Variants in RAB9A observed in about 807,000 individuals in gnomAD.
The protein encoded by RAB9A is ras-related protein Rab-9A.
A neutral mutation model predicts 10.3 loss-of-function variants in RAB9A; 1 was observed. The observed-to-expected ratio is 0.10, with a 90% CI of 0.03 to 0.46. The LOEUF is 0.46. Ranked by LOEUF, RAB9A falls within the 20% of genes least tolerant of loss-of-function variation. The probability of loss-of-function intolerance (pLI) is 0.96; values close to 1 mark genes in which losing one functional copy is unlikely to be tolerated. For synonymous variants in RAB9A, 39 were observed against 55.2 expected (o/e 0.71, Z 1.30); for missense variants, 92 against 150.3 (o/e 0.61, Z 2.03).
intron 1 of RAB9A, among the ~76,000 whole-genome samples, chrX:13,697,255 C>T (rs2046151915): frequency 8.9e-6 from 1 of 111,766 alleles, no homozygotes; most frequent in Non-Finnish European, 1.9e-5. Flanking sequence ...GATAGCAGAA[C>T]GTTGCAGATC....
intron 1 of RAB9A, among the ~76,000 whole-genome samples, chrX:13,698,190 CTTTTTT>C (rs67802719): frequency 1.8e-4 from 7 of 38,333 alleles, no homozygotes; most frequent in African/African-American, 6.4e-4. Flanking sequence ...TCTTTTTTTT[CTTTTTT>C]TTTTTTTTTT....
Position 13,696,815 on chromosome X carries a change from T to C in RAB9A, c.-115-6999T>C, listed in dbSNP as rs147811144. On this transcript the variant is annotated intron_variant, in intron 1 of 2. Transcript: ENST00000464506. ...ATGGGTAGTGATGGGCAGAGTGAGG[T>C]TGGGCTTGGAAAGCTTTTTGTGAGA... 3.9e-3 allele frequency among the ~76,000 whole-genome samples: 436 copies of C among 111,754 alleles called. 1 individual carries two copies. The highest frequency in any genetic ancestry group is 7.2e-3 in the Non-Finnish European group (382 of 53,147).
rs756599308 is a variant in RAB9A, at chrX:13,709,376, A to G, written c.*24A>G. On this transcript the variant is annotated 3_prime_UTR_variant, in exon 3 of 3. Transcript: ENST00000464506. Reference sequence around the variant, plus strand: ...GATTGTTAGATTGTTGATGCATTCTAACCAACTCACACATATACACAAAAT... The same window carrying G: ...GATTGTTAGATTGTTGATGCATTCTGACCAACTCACACATATACACAAAAT... 1.2e-5 allele frequency: 14 copies of G among 1,180,990 alleles called. No homozygotes were observed. Among genetic ancestry groups the G allele is most frequent in the Non-Finnish European group, 1.6e-5 (14 of 879,009 alleles).
chrX:13,692,787 A>T (rs1214274211), intron 1 of RAB9A, among the ~76,000 whole-genome samples: 1 of 111,949 alleles, frequency 8.9e-6, no homozygotes, highest in Non-Finnish European at 1.9e-5. Context: ...CGCAATCAAC[A>T]TGGCATCTTT....
chrX:13,708,496 A>T (rs944650679), intron 2 of RAB9A, among the ~76,000 whole-genome samples: 1 of 111,254 alleles, frequency 9.0e-6, no homozygotes, highest in African/African-American at 3.3e-5. Context: ...TTCACAGTCA[A>T]CTGTGACCTG....
rs180835362 is a variant in RAB9A at position 13,701,233 on chromosome X, G to A, written c.-115-2581G>A. ...CCTCCTTTACCTGCCACTGCCCCCC[G>A]CCCCATCCGTTGACAACCATGAATC... On this transcript the variant is annotated intron_variant, in intron 1 of 2. Transcript: ENST00000464506. 8.1e-3 allele frequency among the ~76,000 whole-genome samples: 772 copies of A among 94,822 alleles called. 6 individuals carry two copies. The highest frequency in any genetic ancestry group is 0.03 in the African/African-American group (740 of 24,320). 82.3% of individuals were successfully genotyped at this position (94,822 alleles called of 115,157 possible). A position where few individuals can be genotyped will look rare whatever the true frequency, so the allele number is the denominator to read the frequency against.
rs2046216522 is a variant in RAB9A at position 13,710,374 on chromosome X, ATTTAC to A, written c.*1025_*1029del. ...CGAAGACATCTTTATTCGGCAATGT[ATTTAC>A]TTAGTGTCTTCTCTATTACTGAACA... On this transcript the variant is annotated 3_prime_UTR_variant, in exon 3 of 3. Transcript: ENST00000464506. 8.1e-6 allele frequency: 1 copy of A among 123,953 alleles called. No homozygotes were observed. The highest frequency in any genetic ancestry group is 4.5e-3 in the Middle Eastern group (1 of 221). 10.2% of individuals were successfully genotyped at this position (123,953 alleles called of 1,213,427 possible). A position where few individuals can be genotyped will look rare whatever the true frequency, so the allele number is the denominator to read the frequency against.
At chrX:13,693,414 T>C (rs760109872) in intron 1 of RAB9A, among the ~76,000 whole-genome samples, 1 of 111,606 alleles carries the variant, frequency 9.0e-6, no homozygotes, top group African/African-American at 3.3e-5. Flanking sequence ...TATGATGCAA[T>C]TGGAAGGCGA....
rs1490712215 is a variant in RAB9A at position 13,703,854 on chromosome X, A to C, written c.-75A>C. On this transcript the variant is annotated 5_prime_UTR_variant, in exon 2 of 3. Transcript: ENST00000464506. ...TGTAATGAGCCTGGCACTGTGATGA[A>C]ACACTTTTCCCGTGTCGTTTGAGTG... The C allele has an allele frequency of 8.9e-6, 1 of 112,194 alleles. No homozygotes were observed. Among genetic ancestry groups the C allele is most frequent in the African/African-American group, 3.2e-5 (1 of 30,846 alleles). The allele number at this position is 112,194 out of a possible 1,213,427, so 9.2% of individuals were successfully genotyped here.
Position 13,709,461 on chromosome X carries a change from TTAAAC to T in RAB9A, c.*113_*117del. On this transcript the variant is annotated 3_prime_UTR_variant, in exon 3 of 3. Coordinates refer to ENST00000464506, the MANE Select transcript of RAB9A (RefSeq NM_004251.5). The stretch of plus-strand genomic sequence containing the variant: ...AGCAGTGTATCATCTACTAATAAAA[TTAAAC>T]TAATGTTGCTGCTTCATTAGTTGGT... 2 of 898,568 alleles carry T rather than the reference TTAAAC, an allele frequency of 2.2e-6. No homozygotes were observed. The highest frequency in any genetic ancestry group is 2.0e-5 in the African/African-American group (1 of 50,273). 74.1% of individuals were successfully genotyped at this position (898,568 alleles called of 1,213,427 possible).
intron 1 of RAB9A, among the ~76,000 whole-genome samples, chrX:13,699,032 G>A (rs1321825524): frequency 1.8e-5 from 2 of 111,204 alleles, no homozygotes; most frequent in Non-Finnish European, 3.8e-5. Context: ...AGTTTTTGGA[G>A]GGGTTACAGA....
At chrX:13,694,437 GT>G (rs1346667726) in intron 1 of RAB9A, among the ~76,000 whole-genome samples, 2 of 112,402 alleles carry the variant, frequency 1.8e-5, no homozygotes, top group Non-Finnish European at 3.8e-5. Context: ...AAAAATAGTT[GT>G]TTGGGAGCAA....
At chrX:13,703,017 A>G (rs1409611131) in intron 1 of RAB9A, among the ~76,000 whole-genome samples, 2 of 112,732 alleles carry the variant, frequency 1.8e-5, no homozygotes, top group South Asian at 3.6e-4. Context: ...AAGCATAGAC[A>G]CTCACATGTG....
chrX:13,692,597 A>G (rs1213357916), intron 1 of RAB9A, among the ~76,000 whole-genome samples: 1 of 112,067 alleles, frequency 8.9e-6, no homozygotes, highest in Non-Finnish European at 1.9e-5. Flanking sequence ...TGGCTTTTCC[A>G]TAACTTTCTG....
At chrX:13,701,469 T>A (rs764793460) in intron 1 of RAB9A, among the ~76,000 whole-genome samples, 1 of 111,608 alleles carries the variant, frequency 9.0e-6, no homozygotes, top group Non-Finnish European at 1.9e-5. Context: ...TTGATAATAG[T>A]ATGGGTATGC....
rs67802719 is a variant in RAB9A, at chrX:13,698,190, CTTTTTTTTTTTTTT to C, written c.-115-5614_-115-5601del. Among the ~76,000 whole-genome samples, 83 of 38,332 alleles carry C rather than the reference CTTTTTTTTTTTTTT, an allele frequency of 2.2e-3. No individual in the cohort carries two copies. In the East Asian group the frequency reaches 0.061, roughly 28 times the overall value. The allele number at this position is 38,332 out of a possible 115,157, so 33.3% of individuals were successfully genotyped here. On this transcript the variant is annotated intron_variant, in intron 1 of 2. Coordinates refer to ENST00000464506, the MANE Select transcript of RAB9A (RefSeq NM_004251.5). ...ACTAAGTCTTCTTTTTCTTTTTTTT[CTTTTTTTTTTTTTT>C]TTTTTTTTTGGCCCTTCTCACTTCC...
chrX:13,703,930 A>G (rs2046185918), intron 2 of RAB9A, 28 bp downstream of exon 2: 1 of 112,097 alleles, frequency 8.9e-6, no homozygotes, highest in African/African-American at 3.2e-5. Context: ...TGTTGTTCCC[A>G]TGAGGCTTCA....
At chrX:13,706,570 TG>T (rs1483103257) in intron 2 of RAB9A, among the ~76,000 whole-genome samples, 20 of 106,990 alleles carry the variant, frequency 1.9e-4, no homozygotes, top group Non-Finnish European at 3.5e-4. Flanking sequence ...TTTTTTTTTT[TG>T]TATTTTTAGT....
chrX:13,689,620 C>T (rs932507226), intron 1 of RAB9A, among the ~76,000 whole-genome samples: 1 of 111,968 alleles, frequency 8.9e-6, no homozygotes, highest in African/African-American at 3.2e-5. Context: ...ACACGCCAGC[C>T]TTTCCCCCAA....
Sources: allele counts gnomAD v4.1 joint callset (sites outside exome capture counted in the v4.1 genomes callset), GRCh38; gene constraint gnomAD v4.1.1; transcripts MANE v1.5; gene names NCBI Gene and HGNC (gene_info 2026-07-23, HGNC 2026-07-21).